Variants in LHX8 observed in about 807,000 individuals in gnomAD.
LHX8 encodes LIM homeobox 8.
Under a neutral mutation model 40.3 loss-of-function variants are expected in LHX8, and 12 were observed. The observed-to-expected ratio is 0.30, with a 90% confidence interval of 0.19 to 0.48. The LOEUF (loss-of-function observed/expected upper bound fraction) is 0.48. Ranked by LOEUF, LHX8 falls within the 20% of genes least tolerant of loss-of-function variation. LHX8 has a pLI of 0.99. For missense variants in LHX8, 344 were observed against 433.7 expected (o/e 0.79, Z 1.84); for synonymous variants, 179 against 162.0 (o/e 1.10, Z -0.80).
At chr1:75,165,460 G>A (rs541424546), downstream of LHX8, among the ~76,000 whole-genome samples, 40 of 152,244 alleles carry the variant, frequency 2.6e-4, no homozygotes, top group East Asian at 6.4e-3. Context: ...GCAAGGAACT[G>A]CTTCTCCTTT....
chr1:75,170,968 A>G, the LHX8 span, among the ~76,000 whole-genome samples: 2 of 152,222 alleles, frequency 1.3e-5, no homozygotes, highest in South Asian at 2.1e-4. Flanking sequence ...AGATGATACA[A>G]TTGAGGCTCA....
the LHX8 span, among the ~76,000 whole-genome samples, chr1:75,172,429 C>T: frequency 6.6e-6 from 1 of 152,192 alleles, no homozygotes; most frequent in Non-Finnish European, 1.5e-5. Context: ...TCCTTTGACA[C>T]AACATAACTT....
chr1:75,132,709 TCTC>T (rs1317523143), upstream of LHX8: 1 of 150,924 alleles, frequency 6.6e-6, no homozygotes, highest in Non-Finnish European at 1.5e-5. Context: ...CGCGATAAAT[TCTC>T]CTCGATAGTA....
intron 3 of LHX8, among the ~76,000 whole-genome samples, chr1:75,140,198 T>G (rs1311882738): frequency 2.0e-5 from 3 of 152,230 alleles, no homozygotes; most frequent in Non-Finnish European, 4.4e-5. Flanking sequence ...TTCATGTTCC[T>G]ATTTAGAAAG....
At chr1:75,138,641 A>G (rs1039419864) in intron 3 of LHX8, among the ~76,000 whole-genome samples, 4 of 152,200 alleles carry the variant, frequency 2.6e-5, no homozygotes, top group Admixed American at 6.5e-5. Context: ...CCTCTCAATA[A>G]TTACCGTAAT....
At chr1:75,143,542 T>C (rs1648376936) in intron 5 of LHX8, among the ~76,000 whole-genome samples, 1 of 152,196 alleles carries the variant, frequency 6.6e-6, no homozygotes, top group African/African-American at 2.4e-5. Context: ...TTGTGCCATA[T>C]TCTCAGGCAG....
intron 7 of LHX8, among the ~76,000 whole-genome samples, chr1:75,155,900 G>A (rs1250670882): frequency 6.6e-6 from 1 of 151,930 alleles, no homozygotes; most frequent in East Asian, 1.9e-4. Context: ...TGAATCAAGA[G>A]GTTTGTAGAA....
At chr1:75,130,260 A>C (rs1212136952), upstream of LHX8, 2 of 200,598 alleles carry the variant, frequency 1.0e-5, no homozygotes, top group Admixed American at 5.1e-5. Flanking sequence ...TCCGTAGCGG[A>C]CCGGGAGAGC....
rs1203504224 is a variant in LHX8 at position 75,136,526 on chromosome 1, C to T, written c.-12-77C>T. 3 of 1,111,834 alleles carry T rather than the reference C, an allele frequency of 2.7e-6. No homozygotes were observed. In the African/African-American group the frequency reaches 4.6e-5, roughly 17 times the overall value. The allele number at this position is 1,111,834 out of a possible 1,614,324, so 68.9% of individuals were successfully genotyped here. ...AGGGCCTTCATTAGCTCGCTCCCCG[C>T]GCCGAGGCTGGGGCGGGCAGCACGC... On this transcript the variant is annotated intron_variant, in intron 1 of 8. Transcript: ENST00000356261.
chr1:75,156,780 GGTGCTTGT>G, intron 7 of LHX8, 105 bp from the exon 8 acceptor site: 1 of 921,720 alleles, frequency 1.1e-6, no homozygotes, highest in Non-Finnish European at 1.8e-6. Context: ...ACATTTATGC[GGTGCTTGT>G]GTGGTAGTGT....
chr1:75,181,034 C>T, the LHX8 span, among the ~76,000 whole-genome samples: 1 of 151,934 alleles, frequency 6.6e-6, no homozygotes, highest in South Asian at 2.1e-4. Context: ...TGCAAAACAG[C>T]AAATATTGCA....
intron 7 of LHX8, among the ~76,000 whole-genome samples, chr1:75,152,619 A>G (rs1557492820): frequency 6.6e-6 from 1 of 152,248 alleles, no homozygotes; most frequent in Admixed American, 6.5e-5. Context: ...TGCTTGTTCA[A>G]TAGTTTCCTC....
chr1:75,136,992 G>C, intron 2 of LHX8, 108 bp from the exon 3 acceptor site: 1 of 1,253,552 alleles, frequency 8.0e-7, no homozygotes, highest in South Asian at 1.6e-5. Flanking sequence ...GGTGGGGTGG[G>C]GTGGCCAGGG....
At chr1:75,160,581 G>T in intron 8 of LHX8, 2 of 541,676 alleles carry the variant, frequency 3.7e-6, no homozygotes, top group Non-Finnish European at 6.6e-6. Flanking sequence ...ATGGATGGAG[G>T]ACATTAAAAT....
At chr1:75,157,467 A>G (rs1382932675) in intron 8 of LHX8, among the ~76,000 whole-genome samples, 1 of 152,240 alleles carries the variant, frequency 6.6e-6, no homozygotes, top group Non-Finnish European at 1.5e-5. Flanking sequence ...GAAGAAAATC[A>G]TACATTTAGA....
the LHX8 span, among the ~76,000 whole-genome samples, chr1:75,177,151 A>G: frequency 6.6e-5 from 10 of 152,184 alleles, no homozygotes; most frequent in African/African-American, 2.4e-4. Context: ...TGTCTTGGCA[A>G]TGTGGGCTCT....
chr1:75,195,363 A>G, the LHX8 span, among the ~76,000 whole-genome samples: 1 of 152,172 alleles, frequency 6.6e-6, no homozygotes, highest in African/African-American at 2.4e-5. Context: ...CTGGTGGCCA[A>G]CAGCAAGGGG....
downstream of LHX8, among the ~76,000 whole-genome samples, chr1:75,164,548 G>A (rs1210312396): frequency 6.6e-6 from 1 of 152,068 alleles, no homozygotes; most frequent in East Asian, 1.9e-4. Flanking sequence ...CCCACCAAAT[G>A]TTGCACTAAA....
At chr1:75,139,873 T>C (rs1570287451) in intron 3 of LHX8, among the ~76,000 whole-genome samples, 1 of 152,324 alleles carries the variant, frequency 6.6e-6, no homozygotes, top group Non-Finnish European at 1.5e-5. Context: ...AGACACATAG[T>C]CTTTATTATG....
Sources: gnomAD v4.1 joint callset for allele counts (sites outside exome capture counted in the v4.1 genomes callset) on GRCh38, gnomAD v4.1.1 for gene constraint, MANE v1.5 for transcripts, NCBI Gene and HGNC (gene_info 2026-07-23, HGNC 2026-07-21) for gene names.